The following RGS12 variants were observed in gnomAD, a reference collection of about 807,000 sequenced individuals.
RGS12 encodes regulator of G protein signaling 12.
RGS12 carries 66 observed loss-of-function variants against 120.1 expected under a neutral mutation model. That is an observed-to-expected ratio of 0.55 (90% confidence interval 0.45 to 0.67). The LOEUF (loss-of-function observed/expected upper bound fraction) is 0.67. Ranked by LOEUF, RGS12 falls within the 30% of genes least tolerant of loss-of-function variation. RGS12 has a pLI of 0.00. For missense variants in RGS12, 1,859 were observed against 1,957.7 expected, an observed-to-expected ratio of 0.95 and a Z score of 0.95; for synonymous variants, 827 against 804.7, an observed-to-expected ratio of 1.03 and a Z score of -0.47.
chr4:3,317,408 A>G lies in RGS12; in HGVS notation c.1238A>G (p.His413Arg). The change falls in exon 2 of 18, where the codon CAC (histidine) becomes CGC (arginine). Residue 413 changes from histidine to arginine, a missense_variant. By Grantham distance (29) the His-to-Arg change is conservative. Transcript: ENST00000336727. ...TTTCTGGACGGGGACGCCGATGCCC[A>G]CCAGAACAACAGCACCAGCAGCAAC... ...RAFLDGDADA[H>R]QNNSTSSNSD... is the part of the protein sequence containing the mutation. 1.9e-6 allele frequency: 3 copies of G among 1,614,042 alleles called. No individual in the cohort carries two copies. Among genetic ancestry groups the G allele is most frequent in the Non-Finnish European group, 2.5e-6 (3 of 1,180,036 alleles).
At chr4:3,310,225 TGGGGG>T (rs1724297063) in intron 1 of RGS12, among the ~76,000 whole-genome samples, 1 of 136,646 alleles carries the variant, frequency 7.3e-6, no homozygotes, top group Non-Finnish European at 1.6e-5. Context: ...GGGAACCGTG[TGGGGG>T]AGGAGCTGGG....
intron 2 of RGS12, among the ~76,000 whole-genome samples, chr4:3,332,021 G>A (rs546646344): frequency 1.3e-5 from 2 of 152,216 alleles, no homozygotes; most frequent in Non-Finnish European, 2.9e-5. Context: ...GGGCTGGGAA[G>A]CAGTGGACAG....
At chr4:3,353,560 C>T (rs1413091228) in intron 3 of RGS12, among the ~76,000 whole-genome samples, 2 of 152,146 alleles carry the variant, frequency 1.3e-5, no homozygotes, top group African/African-American at 2.4e-5. Context: ...GCTGTTTCTT[C>T]CCTGATGTGG....
intron 14 of RGS12, among the ~76,000 whole-genome samples, chr4:3,427,287 G>T (rs537770801): frequency 6.6e-6 from 1 of 152,372 alleles, no homozygotes; most frequent in South Asian, 2.1e-4. Flanking sequence ...GGCAAGTCCT[G>T]TGGTGGAGCT....
At chr4:3,315,968 G>A (rs1044659718) in intron 1 of RGS12, 102 bp from the exon 2 acceptor site, 8 of 474,090 alleles carry the variant, frequency 1.7e-5, no homozygotes, top group African/African-American at 1.6e-4. Context: ...TCTTTCTGTG[G>A]TGGTTTTTAT....
At chr4:3,300,159 T>C (rs1371770290) in intron 1 of RGS12, among the ~76,000 whole-genome samples, 1 of 152,254 alleles carries the variant, frequency 6.6e-6, no homozygotes, top group African/African-American at 2.4e-5. Context: ...GCTTGCACTC[T>C]GCTGGGAACA....
chr4:3,415,147 A>AG (rs1418553668), intron 6 of RGS12, among the ~76,000 whole-genome samples: 1 of 99,976 alleles, frequency 1.0e-5, no homozygotes, highest in Non-Finnish European at 2.1e-5. Context: ...CGTGTGTGAG[A>AG]GGGCCGCGTG....
At chr4:3,414,340 G>A (rs898635012) in intron 5 of RGS12, 99 bp downstream of exon 5, 17 of 1,356,658 alleles carry the variant, frequency 1.3e-5, no homozygotes, top group African/African-American at 2.9e-5. Context: ...GGCACCCTGC[G>A]GGCCCTGAGC....
In RGS12 at chr4:3,317,195, T is replaced by C. The variant is rs1458633979; in HGVS notation, c.1025T>C (p.Val342Ala). Reference sequence around the variant, plus strand: ...CGGACTTCCTGCCACGTGTTCATGGTGGACCCAGACTTGTTTAATCACAAG... The same window carrying C: ...CGGACTTCCTGCCACGTGTTCATGGCGGACCCAGACTTGTTTAATCACAAG... ...ALRTSCHVFM[V>A]DPDLFNHKIH... Residue 342 changes from valine (V) to alanine (A), a missense_variant, in exon 2 of 18, where the codon GTG (valine) becomes GCG (alanine). Coordinates refer to ENST00000336727, the MANE Select transcript of RGS12 (RefSeq NM_001394154.1). 6.2e-7 allele frequency: 1 copy of C among 1,614,088 alleles called. No homozygotes were observed. Among genetic ancestry groups the C allele is most frequent in the South Asian group, 1.1e-5 (1 of 91,070 alleles).
chr4:3,300,187 C>T (rs764343756), intron 1 of RGS12, among the ~76,000 whole-genome samples: 20 of 152,236 alleles, frequency 1.3e-4, no homozygotes, highest in African/African-American at 2.7e-4. Context: ...GCCTCGGAGG[C>T]GCCCAGGCCT....
At chr4:3,439,318 C>A in intron 17 of RGS12, 137 bp from the exon 18 acceptor site, 1 of 865,836 alleles carries the variant, frequency 1.2e-6, no homozygotes, top group Non-Finnish European at 1.9e-6. Flanking sequence ...GGGACGCCAG[C>A]TGCCTCTGGG....
intron 4 of RGS12, among the ~76,000 whole-genome samples, chr4:3,388,339 T>C (rs1321293625): frequency 6.6e-6 from 1 of 152,236 alleles, no homozygotes; most frequent in Admixed American, 6.5e-5. Flanking sequence ...AGTTCCTTTT[T>C]GTGTTTTTGT....
At chr4:3,293,289 G>A (rs1723149999) in intron 1 of RGS12, among the ~76,000 whole-genome samples, 190 bp downstream of exon 1, 1 of 143,268 alleles carries the variant, frequency 7.0e-6, no homozygotes, top group Non-Finnish European at 1.5e-5. Context: ...TCAGGCTCCT[G>A]GTCCCGGGCC....
intron 2 of RGS12, among the ~76,000 whole-genome samples, chr4:3,321,743 C>T (rs1371983340): frequency 1.3e-5 from 2 of 152,204 alleles, no homozygotes; most frequent in Non-Finnish European, 2.9e-5. Context: ...ATGTGGTGTC[C>T]AGCGCGCTCT....
At chr4:3,326,472 T>A (rs1725561646) in intron 2 of RGS12, among the ~76,000 whole-genome samples, 1 of 152,164 alleles carries the variant, frequency 6.6e-6, no homozygotes, top group Non-Finnish European at 1.5e-5. Context: ...GGTCTCAAAC[T>A]TCTGGCTCAA....
intron 4 of RGS12, among the ~76,000 whole-genome samples, chr4:3,398,188 G>A (rs1031363544): frequency 6.6e-6 from 1 of 152,200 alleles, no homozygotes; most frequent in African/African-American, 2.4e-5. Flanking sequence ...CACTGGAAGT[G>A]AATAAAATTA....
intron 2 of RGS12, among the ~76,000 whole-genome samples, chr4:3,333,765 T>G (rs1424211811): frequency 6.6e-6 from 1 of 152,244 alleles, no homozygotes; most frequent in Non-Finnish European, 1.5e-5. Flanking sequence ...GGGCAGGTTT[T>G]CTTGTCTGTG....
intron 4 of RGS12, among the ~76,000 whole-genome samples, chr4:3,399,138 G>A (rs1266930030): frequency 1.3e-5 from 2 of 152,040 alleles, no homozygotes; most frequent in Non-Finnish European, 1.5e-5. Flanking sequence ...TAATCAAAGT[G>A]ATTTTCAGTG....
At chr4:3,292,902 C>A (rs1723115157), upstream of RGS12, 1 of 150,840 alleles carries the variant, frequency 6.6e-6, no homozygotes, top group African/African-American at 2.4e-5. Context: ...CCCGCCCCCG[C>A]ATCGCCCCGC....
Sources: gnomAD v4.1 joint callset for allele counts (sites outside exome capture counted in the v4.1 genomes callset) on GRCh38, gnomAD v4.1.1 for gene constraint, MANE v1.5 for transcripts, NCBI Gene and HGNC (gene_info 2026-07-23, HGNC 2026-07-21) for gene names.